Variants in EFCAB13 observed in about 807,000 individuals in gnomAD.
EFCAB13 encodes the protein EF-hand calcium binding domain 13.
Under a neutral mutation model 110.2 loss-of-function variants are expected in EFCAB13, and 91 were observed. The observed-to-expected ratio is 0.83, with a 90% CI of 0.70 to 0.98. The LOEUF (loss-of-function observed/expected upper bound fraction) is 0.98, where lower values mean the gene tolerates loss of function less well. EFCAB13 is among the 50% of genes least tolerant of loss of function. The pLI, the probability that EFCAB13 is intolerant of heterozygous loss-of-function variation, is 0.00. For missense variants in EFCAB13, 968 were observed against 1,119.4 expected (o/e 0.86, Z 1.93); for synonymous variants, 323 against 369.9 (o/e 0.87, Z 1.45).
chr17:47,439,171 GTTTTTTTTTTTT>G (rs71141908), intron 24 of EFCAB13, among the ~76,000 whole-genome samples: 8,324 of 74,230 alleles, frequency 0.11, 372 homozygotes, highest in Middle Eastern at 0.27. Flanking sequence ...TCTTTGTTTT[GTTTTTTTTTTTT>G]TTTTTTTTTT....
Position 47,440,748 on chromosome 17 carries a change from G to C in EFCAB13, c.*34G>C. 1 of 1,466,486 alleles carries C rather than the reference G, an allele frequency of 6.8e-7. No individual in the cohort carries two copies. Among genetic ancestry groups the C allele is most frequent in the Non-Finnish European group, 9.1e-7 (1 of 1,098,630 alleles). 90.8% of individuals were successfully genotyped at this position (1,466,486 alleles called of 1,614,324 possible). ...ACTTGATAGTGCTAGAAAATTACTA[G>C]ATTATATATTATTCAGTATGCATAT... is the stretch of plus-strand genomic sequence containing the variant. On this transcript the variant is annotated 3_prime_UTR_variant, in exon 25 of 25. Coordinates refer to ENST00000331493, the MANE Select transcript of EFCAB13 (RefSeq NM_152347.5).
chr17:47,438,426 C>T (rs565132343), intron 24 of EFCAB13, among the ~76,000 whole-genome samples: 6 of 152,112 alleles, frequency 3.9e-5, no homozygotes, highest in African/African-American at 1.4e-4. Flanking sequence ...CTCAGGTACA[C>T]CAACTATTCT....
intron 20 of EFCAB13, among the ~76,000 whole-genome samples, chr17:47,408,371 C>A (rs1011002265): frequency 6.6e-6 from 1 of 152,104 alleles, no homozygotes; most frequent in African/African-American, 2.4e-5. Context: ...TGTAATCAGG[C>A]TGGGGGAAGT....
chr17:47,409,082 A>T (rs2065820189), intron 20 of EFCAB13, among the ~76,000 whole-genome samples: 2 of 152,190 alleles, frequency 1.3e-5, no homozygotes, highest in South Asian at 4.1e-4. Flanking sequence ...GTTATTCTAA[A>T]CTGTTCTTTA....
chr17:47,331,957 T>C (rs1021526958), intron 4 of EFCAB13, among the ~76,000 whole-genome samples: 1 of 152,184 alleles, frequency 6.6e-6, no homozygotes, highest in African/African-American at 2.4e-5. Flanking sequence ...GCACAGTTTA[T>C]TTATTAATTA....
In EFCAB13 at chr17:47,416,616, A is replaced by G. The variant is rs1323723893; in HGVS notation, c.2494+1697A>G. 2.6e-5 allele frequency among the ~76,000 whole-genome samples: 4 copies of G among 151,936 alleles called. No homozygotes were observed. The South Asian group carries it at 6.3e-4, about 24-fold the overall frequency. On this transcript the variant is annotated intron_variant, in intron 23 of 24. Coordinates refer to ENST00000331493, the MANE Select transcript of EFCAB13 (RefSeq NM_152347.5). ...CCTCCTCTGGTAGTCCCCACTTTCA[A>G]TTGTTGCCATCTTTCTGTTCATGAG...
chr17:47,384,910 C>T (rs1202061216), intron 14 of EFCAB13, among the ~76,000 whole-genome samples: 1 of 152,120 alleles, frequency 6.6e-6, no homozygotes, highest in Non-Finnish European at 1.5e-5. Flanking sequence ...GCTGGGACTA[C>T]AGGCGCCCAC....
Position 47,395,790 on chromosome 17 carries a change from C to G in EFCAB13, c.1802-44C>G, listed in dbSNP as rs537035238. On this transcript the variant is annotated intron_variant, in intron 16 of 24. Coordinates refer to ENST00000331493, the MANE Select transcript of EFCAB13 (RefSeq NM_152347.5). ...AGATGACAGTTTACTGTATTAACTT[C>G]TTGCATAAGCATTCGTAAAACTTGT... 135 of 1,538,386 alleles carry G rather than the reference C, an allele frequency of 8.8e-5. 1 individual carries two copies. The South Asian group carries it at 1.4e-3, about 16-fold the overall frequency.
At chr17:47,335,955 G>T (rs1419203094) in intron 5 of EFCAB13, among the ~76,000 whole-genome samples, 2 of 152,156 alleles carry the variant, frequency 1.3e-5, no homozygotes, top group African/African-American at 4.8e-5. Flanking sequence ...TATATCACAT[G>T]TGGAAGCCTA....
chr17:47,356,992 C>T (rs1018203974), intron 9 of EFCAB13, among the ~76,000 whole-genome samples: 2 of 152,118 alleles, frequency 1.3e-5, no homozygotes, highest in Admixed American at 6.5e-5. Context: ...CCTGACAGGT[C>T]GCCAGGGAAG....
chr17:47,419,535 G>A (rs1413006366), intron 23 of EFCAB13, among the ~76,000 whole-genome samples: 1 of 152,148 alleles, frequency 6.6e-6, no homozygotes, highest in Non-Finnish European at 1.5e-5. Flanking sequence ...CTGTGATCAC[G>A]CTGCTGCACT....
intron 23 of EFCAB13, among the ~76,000 whole-genome samples, chr17:47,429,396 A>C (rs1221700607): frequency 1.3e-5 from 2 of 152,204 alleles, no homozygotes; most frequent in Non-Finnish European, 2.9e-5. Flanking sequence ...GACTACCTAT[A>C]TGTTTCTACT....
At chr17:47,399,204 C>T (rs997605545) in intron 17 of EFCAB13, among the ~76,000 whole-genome samples, 2 of 152,104 alleles carry the variant, frequency 1.3e-5, no homozygotes, top group South Asian at 2.1e-4. Context: ...CATGAGCTAC[C>T]GCACCAGGCC....
chr17:47,427,915 T>G (rs1031214492), intron 23 of EFCAB13, among the ~76,000 whole-genome samples: 3 of 152,020 alleles, frequency 2.0e-5, no homozygotes, highest in African/African-American at 7.2e-5. Flanking sequence ...AGTTTGAGTT[T>G]GTTTAGAAAT....
intron 17 of EFCAB13, among the ~76,000 whole-genome samples, chr17:47,399,811 G>A (rs917881329): frequency 1.3e-5 from 2 of 152,006 alleles, no homozygotes; most frequent in South Asian, 2.1e-4. Context: ...AAATAGAAAA[G>A]GTAATTTATC....
chr17:47,429,806 C>A lies in EFCAB13; in HGVS notation c.2495-12C>A, dbSNP rs374918506. Reference sequence around the variant, plus strand: ...TGCTGTTGAAACATTTGCTTTTGCTCTCCTTTTGCAGCTACACAGATACTC... The same window carrying A: ...TGCTGTTGAAACATTTGCTTTTGCTATCCTTTTGCAGCTACACAGATACTC... On this transcript the variant is annotated splice_polypyrimidine_tract_variant and intron_variant, in intron 23 of 24. Coordinates refer to ENST00000331493, the MANE Select transcript of EFCAB13 (RefSeq NM_152347.5). 541 of 1,571,608 alleles carry A rather than the reference C, an allele frequency of 3.4e-4. 3 individuals are homozygous for A. The highest frequency in any genetic ancestry group is 4.4e-4 in the Non-Finnish European group (505 of 1,152,854).
At chr17:47,380,676 A>G (rs1266801978) in intron 14 of EFCAB13, among the ~76,000 whole-genome samples, 2 of 152,166 alleles carry the variant, frequency 1.3e-5, no homozygotes, top group Non-Finnish European at 2.9e-5. Context: ...CAATGGTTGA[A>G]TTAATTTACA....
chr17:47,392,330 T>C (rs1292679160), intron 15 of EFCAB13, among the ~76,000 whole-genome samples: 1 of 152,190 alleles, frequency 6.6e-6, no homozygotes, highest in Non-Finnish European at 1.5e-5. Context: ...AACTTATTTA[T>C]TCAAAGCAAT....
chr17:47,395,934 A>G lies in EFCAB13; in HGVS notation c.1902A>G (p.Lys634=). 6.2e-6 allele frequency: 10 copies of G among 1,609,488 alleles called. No individual in the cohort carries two copies. Among genetic ancestry groups the G allele is most frequent in the Non-Finnish European group, 7.6e-6 (9 of 1,176,896 alleles). ...NTLSSLNSNL[K]KDEFLAALEL... is the part of the protein sequence containing the mutation. ...TGTCTAGTTTGAATAGTAATTTAAA[A>G]AAGGATGAATTTCTAGCTGCATTGG... The change falls in exon 17 of 25, where the codon AAA becomes AAG. Residue 634 remains lysine, a synonymous_variant. Transcript: ENST00000331493.
Sources: gnomAD v4.1 joint callset for allele counts (sites outside exome capture counted in the v4.1 genomes callset) on GRCh38, gnomAD v4.1.1 for gene constraint, MANE v1.5 for transcripts, NCBI Gene and HGNC (gene_info 2026-07-23, HGNC 2026-07-21) for gene names.